Variants in XPNPEP1 observed in about 807,000 individuals in gnomAD.
XPNPEP1 encodes X-prolyl aminopeptidase 1, also known as xaa-Pro aminopeptidase 1.
XPNPEP1 carries 39 observed loss-of-function variants against 92.4 expected under a neutral mutation model. That is an observed-to-expected ratio of 0.42 (90% confidence interval 0.33 to 0.55). XPNPEP1 has a LOEUF of 0.55. XPNPEP1 is among the 20% of genes least tolerant of loss of function. The pLI is 0.08. For synonymous variants in XPNPEP1, 307 were observed against 299.4 expected (o/e 1.03, Z -0.26); for missense variants, 654 against 856.1 (o/e 0.76, Z 2.95).
Position 109,880,905 on chromosome 10 carries a change from G to T in XPNPEP1, c.1068C>A (p.Thr356=). Residue 356 remains threonine (T), a synonymous_variant, in exon 11 of 21, where the codon ACC becomes ACA. Coordinates refer to ENST00000502935, the MANE Select transcript of XPNPEP1 (RefSeq NM_020383.4). ...PKDHRCCMPY[T]PICIAKAVKN... ...TCACAGCTTTGGCGATGCAGATGGGGGTGTAAGGCATACAGCAGCGGTGGT... is the reference window on the plus strand; with the variant it reads ...TCACAGCTTTGGCGATGCAGATGGGTGTGTAAGGCATACAGCAGCGGTGGT... 6.2e-7 allele frequency: 1 copy of T among 1,614,010 alleles called. No individual in the cohort carries two copies. The highest frequency in any genetic ancestry group is 1.1e-5 in the South Asian group (1 of 91,038).
chr10:109,873,624 C>G (rs1251268684), intron 15 of XPNPEP1, 197 bp from the exon 16 acceptor site: 1 of 549,852 alleles, frequency 1.8e-6, no homozygotes, highest in Non-Finnish European at 3.2e-6. Flanking sequence ...AATTCCACTC[C>G]TAGTTATATA....
chr10:109,896,038 C>A lies in XPNPEP1; in HGVS notation c.247-2963G>T, dbSNP rs117368642. On this transcript the variant is annotated intron_variant, in intron 3 of 20. Transcript: ENST00000502935. Reference sequence around the variant, plus strand: ...ATTCACCATGCTCCAGACACACCCACCTCCTTTCTGCTCTTTGCATATCCT... The same window carrying A: ...ATTCACCATGCTCCAGACACACCCAACTCCTTTCTGCTCTTTGCATATCCT... Among the ~76,000 whole-genome samples the A allele has an allele frequency of 2.6e-5, 4 of 152,356 alleles. No homozygotes were observed. The South Asian group carries it at 8.3e-4, about 32-fold the overall frequency.
intron 1 of XPNPEP1, among the ~76,000 whole-genome samples, chr10:109,920,429 G>T (rs1481968928): frequency 1.3e-5 from 2 of 152,170 alleles, no homozygotes; most frequent in African/African-American, 4.8e-5. Flanking sequence ...TGTGGACAGG[G>T]ATACAAGTCA....
intron 18 of XPNPEP1, among the ~76,000 whole-genome samples, chr10:109,870,508 T>C (rs929960959): frequency 6.6e-6 from 1 of 152,180 alleles, no homozygotes; most frequent in African/African-American, 2.4e-5. Flanking sequence ...AAGTCATGTT[T>C]CCCCTGAGTG....
At chr10:109,870,961 T>G in intron 17 of XPNPEP1, 57 bp from the exon 18 acceptor site, 4 of 1,555,864 alleles carry the variant, frequency 2.6e-6, no homozygotes, top group Non-Finnish European at 3.5e-6. Flanking sequence ...GAGATTAAAT[T>G]TATTATGTGT....
chr10:109,902,783 C>T (rs147247665), intron 3 of XPNPEP1, among the ~76,000 whole-genome samples: 78 of 152,310 alleles, frequency 5.1e-4, no homozygotes, highest in African/African-American at 1.8e-3. Flanking sequence ...CAGGATGTTG[C>T]TACAAAACAC....
chr10:109,923,064 C>G (rs1047022383), intron 1 of XPNPEP1: 1 of 762,544 alleles, frequency 1.3e-6, no homozygotes, highest in South Asian at 6.0e-5. Flanking sequence ...GAGGGGCCAA[C>G]TTCCTCCAAG....
At chr10:109,873,336 G>C in intron 16 of XPNPEP1, 31 bp downstream of exon 16, 2 of 1,612,894 alleles carry the variant, frequency 1.2e-6, no homozygotes, top group Non-Finnish European at 1.7e-6. Context: ...AAAGCAGAGA[G>C]GACCTCTTGA....
At position 109,871,850 on chromosome 10, in the gene XPNPEP1, T is replaced by C. The variant is rs769250222; in HGVS notation, c.1464A>G (p.Thr488=). 9.9e-6 allele frequency: 16 copies of C among 1,614,022 alleles called. No homozygotes were observed. The highest frequency in any genetic ancestry group is 2.2e-5 in the South Asian group (2 of 91,042). ...CAGCTATGTGGCCCTTGAGGACATA[T>C]GTGAAGCATTCCTGCAAAGAAAACC... ...TPTAYEKECF[T]YVLKGHIAVS... is the part of the protein sequence containing the mutation. Residue 488 remains threonine (T), a synonymous_variant, in exon 17 of 21, where the codon ACA becomes ACG. Coordinates refer to ENST00000502935, the MANE Select transcript of XPNPEP1 (RefSeq NM_020383.4).
In XPNPEP1 at chr10:109,923,135, G is replaced by A. The variant is rs374890924; in HGVS notation, c.32+267C>T. ...CCGCCGCCCCCTCAGGCCGAGTGCA[G>A]CAGTTCCGCGGGCATACGCGTCCAG... On this transcript the variant is annotated intron_variant, in intron 1 of 20. Coordinates refer to ENST00000502935, the MANE Select transcript of XPNPEP1 (RefSeq NM_020383.4). 6.1e-6 allele frequency: 6 copies of A among 981,024 alleles called. No homozygotes were observed. In the South Asian group the frequency reaches 1.9e-4, roughly 31 times the overall value. The allele number at this position is 981,024 out of a possible 1,614,324, so 60.8% of individuals were successfully genotyped here.
intron 3 of XPNPEP1, chr10:109,893,507 C>A (rs1206299633): frequency 6.3e-6 from 1 of 158,784 alleles, no homozygotes; most frequent in Non-Finnish European, 1.4e-5. Flanking sequence ...TAGATACTGA[C>A]TTGTTTCCAA....
chr10:109,891,800 C>A lies in XPNPEP1; in HGVS notation c.337G>T (p.Ala113Ser). 1 of 1,608,056 alleles carries A rather than the reference C, an allele frequency of 6.2e-7. No homozygotes were observed. Among genetic ancestry groups the A allele is most frequent in the Non-Finnish European group, 8.5e-7 (1 of 1,178,308 alleles). ...TAGCGCCCGTCAGTCCACATGGCTG[C>A]ATGCTCTTCTGTGATGATGGCTGTG... is the stretch of plus-strand genomic sequence containing the variant. ...AGTAIITEEH[A>S]AMWTDGRYFL... The change falls in exon 5 of 21, where the codon GCA (alanine) becomes TCA (serine). Residue 113 changes from alanine (A) to serine (S), a missense_variant. Physicochemically the swap from Ala to Ser is moderately conservative, Grantham distance 99. Transcript: ENST00000502935.
At chr10:109,888,447 A>G in intron 6 of XPNPEP1, 56 bp downstream of exon 6, 1 of 1,506,006 alleles carries the variant, frequency 6.6e-7, no homozygotes. Flanking sequence ...AGGAGAATGG[A>G]GGGGAATCTA....
chr10:109,913,690 C>G (rs1850012205), intron 2 of XPNPEP1, among the ~76,000 whole-genome samples: 1 of 152,194 alleles, frequency 6.6e-6, no homozygotes, highest in Non-Finnish European at 1.5e-5. Context: ...AGTCCATGCT[C>G]TATTACACCA....
chr10:109,906,502 C>T (rs1428632609), intron 3 of XPNPEP1, among the ~76,000 whole-genome samples: 1 of 152,214 alleles, frequency 6.6e-6, no homozygotes, highest in Non-Finnish European at 1.5e-5. Context: ...GACACCCTAT[C>T]TGAGGCCCTG....
rs1438842216 is a variant in XPNPEP1, at chr10:109,868,818, G to GTCACCTCA, written c.1774-107_1774-106insTGAGGTGA. On this transcript the variant is annotated intron_variant, in intron 19 of 20. Transcript: ENST00000502935. ...CATCCCTCAGAGCCAGGGGTAACTG[G>GTCACCTCA]GAGCCAAGAAGTGGTGAGCTGGTCA... 5.9e-5 allele frequency: 63 copies of GTCACCTCA among 1,067,260 alleles called. No individual in the cohort carries two copies. In the East Asian group the frequency reaches 1.4e-3, roughly 24 times the overall value. 66.1% of individuals were successfully genotyped at this position (1,067,260 alleles called of 1,614,324 possible). A position where few individuals can be genotyped will look rare whatever the true frequency, so the allele number is the denominator to read the frequency against.
chr10:109,872,944 TAA>T (rs1847569134), intron 16 of XPNPEP1, among the ~76,000 whole-genome samples: 1 of 152,110 alleles, frequency 6.6e-6, no homozygotes, highest in Non-Finnish European at 1.5e-5. Flanking sequence ...ACCAGAAACT[TAA>T]TAGAGTCTGT....
At chr10:109,922,663 C>G (rs1850606769) in intron 1 of XPNPEP1, among the ~76,000 whole-genome samples, 1 of 152,252 alleles carries the variant, frequency 6.6e-6, no homozygotes, top group African/African-American at 2.4e-5. Context: ...GCCAGGGAGT[C>G]TGGCCTGTGG....
intron 3 of XPNPEP1, among the ~76,000 whole-genome samples, chr10:109,896,213 T>C (rs1454149963): frequency 6.6e-6 from 1 of 152,044 alleles, no homozygotes; most frequent in South Asian, 2.1e-4. Flanking sequence ...TACCCAGCTA[T>C]AATAGCCACC....
Sources: gnomAD v4.1 joint callset for allele counts (sites outside exome capture counted in the v4.1 genomes callset) on GRCh38, gnomAD v4.1.1 for gene constraint, MANE v1.5 for transcripts, NCBI Gene and HGNC (gene_info 2026-07-23, HGNC 2026-07-21) for gene names.